The following STK38L variants were observed in gnomAD, a reference collection of about 807,000 sequenced individuals.
STK38L encodes serine/threonine kinase 38 like.
A neutral mutation model predicts 59.7 loss-of-function variants in STK38L; 28 were observed. The ratio of observed to expected loss-of-function variants is 0.47; its 90% CI spans 0.35 to 0.64. The LOEUF (loss-of-function observed/expected upper bound fraction) is 0.64. STK38L is among the 30% of genes least tolerant of loss of function. The pLI, the probability that STK38L is intolerant of heterozygous loss-of-function variation, is 0.01. For missense variants in STK38L, 314 were observed against 555.8 expected (o/e 0.56, Z 4.37); for synonymous variants, 162 against 176.8 (o/e 0.92, Z 0.66).
chr12:27,314,222 A>G (rs1944528342), intron 6 of STK38L, among the ~76,000 whole-genome samples: 1 of 151,948 alleles, frequency 6.6e-6, no homozygotes, highest in Non-Finnish European at 1.5e-5. Flanking sequence ...CCAACATGGC[A>G]AAACCCCATC....
intron 1 of STK38L, among the ~76,000 whole-genome samples, chr12:27,258,843 A>G (rs902085783): frequency 5.3e-5 from 8 of 152,194 alleles, no homozygotes; most frequent in Non-Finnish European, 5.9e-5. Context: ...GATGTTGGAA[A>G]AACTTTTATC....
intron 1 of STK38L, among the ~76,000 whole-genome samples, chr12:27,291,982 C>G (rs1028408214): frequency 3.3e-5 from 5 of 152,180 alleles, no homozygotes; most frequent in Non-Finnish European, 7.3e-5. Context: ...TTGTTATCTC[C>G]TTTCCCCAGG....
rs1251193052 is a variant in STK38L at position 27,325,851 on chromosome 12, T to C, written c.*3396T>C. 6.6e-6 allele frequency: 1 copy of C among 152,192 alleles called. No individual in the cohort carries two copies. Among genetic ancestry groups the C allele is most frequent in the Non-Finnish European group, 1.5e-5 (1 of 68,014 alleles). The allele number at this position is 152,192 out of a possible 1,614,324, so 9.4% of individuals were successfully genotyped here. A position where few individuals can be genotyped will look rare whatever the true frequency, so the allele number is the denominator to read the frequency against. On this transcript the variant is annotated 3_prime_UTR_variant, in exon 14 of 14. Coordinates refer to ENST00000389032, the MANE Select transcript of STK38L (RefSeq NM_015000.4). ...CAGCAATTGTCTAGAAAAGTAATCATGAGGCTACTGAGTTTGGTGTTCAGT... is the reference window on the plus strand; with the variant it reads ...CAGCAATTGTCTAGAAAAGTAATCACGAGGCTACTGAGTTTGGTGTTCAGT...
At chr12:27,295,341 C>T (rs577865427) in intron 1 of STK38L, among the ~76,000 whole-genome samples, 163 of 152,136 alleles carry the variant, frequency 1.1e-3, no homozygotes, top group African/African-American at 3.6e-3. Context: ...TATTTTAAGC[C>T]CTGTTTTGGG....
At chr12:27,275,969 G>T (rs1450123801) in intron 1 of STK38L, among the ~76,000 whole-genome samples, 3 of 152,138 alleles carry the variant, frequency 2.0e-5, no homozygotes, top group Non-Finnish European at 2.9e-5. Flanking sequence ...AGTGCCTCAG[G>T]ACTAACCTGG....
intron 1 of STK38L, among the ~76,000 whole-genome samples, chr12:27,267,207 G>A (rs552709029): frequency 6.6e-6 from 1 of 151,948 alleles, no homozygotes; most frequent in African/African-American, 2.4e-5. Context: ...TTTAAATTTT[G>A]ACTTGTGTCA....
At chr12:27,305,163 A>G (rs187335457) in intron 3 of STK38L, among the ~76,000 whole-genome samples, 74 of 152,354 alleles carry the variant, frequency 4.9e-4, no homozygotes, top group African/African-American at 1.6e-3. Flanking sequence ...GAAGCTAGTA[A>G]TCTGGACTTT....
chr12:27,294,173 A>G lies in STK38L; in HGVS notation c.-11-3537A>G, dbSNP rs1016867436. Among the ~76,000 whole-genome samples, 28 of 152,214 alleles carry G rather than the reference A, an allele frequency of 1.8e-4. 1 individual carries two copies. Among genetic ancestry groups the G allele is most frequent in the Admixed American group, 2.6e-4 (4 of 15,282 alleles). On this transcript the variant is annotated intron_variant, in intron 1 of 13. Transcript: ENST00000389032. ...GAAGGTTCACTGGAATACTACTGCA[A>G]ATTGTACACCTGTCCTCCTTTTGAG...
chr12:27,268,581 G>A (rs1207254766), intron 1 of STK38L, among the ~76,000 whole-genome samples: 6 of 152,156 alleles, frequency 3.9e-5, no homozygotes, highest in East Asian at 1.9e-4. Flanking sequence ...ATAAACATAC[G>A]TGTGCATGTG....
chr12:27,297,203 G>A (rs575149958), intron 1 of STK38L: 6 of 152,890 alleles, frequency 3.9e-5, no homozygotes, highest in East Asian at 1.9e-4. Context: ...ATACGTGAAC[G>A]TTGCTTTAGG....
chr12:27,298,587 T>C (rs1271465236), intron 2 of STK38L, among the ~76,000 whole-genome samples: 1 of 152,182 alleles, frequency 6.6e-6, no homozygotes, highest in Non-Finnish European at 1.5e-5. Context: ...CACATAAATA[T>C]ATAAATGAAA....
intron 1 of STK38L, among the ~76,000 whole-genome samples, chr12:27,259,102 G>A (rs910275805): frequency 2.6e-5 from 4 of 152,132 alleles, no homozygotes; most frequent in Non-Finnish European, 5.9e-5. Context: ...AACCTACACT[G>A]ATTCTCAGTG....
At chr12:27,291,773 T>C (rs1478953693) in intron 1 of STK38L, among the ~76,000 whole-genome samples, 1 of 152,192 alleles carries the variant, frequency 6.6e-6, no homozygotes, top group African/African-American at 2.4e-5. Context: ...TTTAGGCGAA[T>C]TTTTATACTA....
At chr12:27,262,633 A>T (rs1943223589) in intron 1 of STK38L, among the ~76,000 whole-genome samples, 1 of 150,562 alleles carries the variant, frequency 6.6e-6, no homozygotes, top group Admixed American at 6.6e-5. Flanking sequence ...CGAGGCCAGG[A>T]GTTTAAGGCT....
chr12:27,285,775 G>A (rs1048733688), intron 1 of STK38L, among the ~76,000 whole-genome samples: 2 of 152,110 alleles, frequency 1.3e-5, no homozygotes, highest in African/African-American at 4.8e-5. Flanking sequence ...AGAGTAAAGG[G>A]GAGTGGGCAT....
intron 3 of STK38L, among the ~76,000 whole-genome samples, chr12:27,306,493 T>C (rs1192997140): frequency 1.3e-5 from 2 of 152,148 alleles, no homozygotes; most frequent in Non-Finnish European, 2.9e-5. Context: ...TTTATTTTTT[T>C]ATTATTCAAA....
At chr12:27,247,814 AT>A (rs11448972) in intron 1 of STK38L, among the ~76,000 whole-genome samples, 22,054 of 126,518 alleles carry the variant, frequency 0.17, 1,532 homozygotes, top group African/African-American at 0.22. Context: ...TTGTTCTGTA[AT>A]TTTTTTTTTT....
chr12:27,296,182 T>C (rs1944016544), intron 1 of STK38L, among the ~76,000 whole-genome samples: 1 of 152,214 alleles, frequency 6.6e-6, no homozygotes, highest in Non-Finnish European at 1.5e-5. Context: ...GAATAAAATA[T>C]CATAAAGTTC....
intron 1 of STK38L, among the ~76,000 whole-genome samples, chr12:27,264,048 C>G (rs1167002085): frequency 6.6e-6 from 1 of 152,064 alleles, no homozygotes; most frequent in Non-Finnish European, 1.5e-5. Flanking sequence ...TATGTCTTCT[C>G]GTTGATGAGG....
Sources: allele counts gnomAD v4.1 joint callset (sites outside exome capture counted in the v4.1 genomes callset), GRCh38; gene constraint gnomAD v4.1.1; transcripts MANE v1.5; gene names NCBI Gene and HGNC (gene_info 2026-07-23, HGNC 2026-07-21).